SZRD1: variants seen among roughly 807,000 people sequenced by gnomAD.
The protein encoded by SZRD1 is SUZ RNA binding domain containing 1, also known as SUZ RNA-binding domain-containing.
SZRD1 carries 7 observed loss-of-function variants against 17.6 expected under a neutral mutation model. The observed-to-expected ratio is 0.40, with a 90% confidence interval of 0.23 to 0.75. The LOEUF (loss-of-function observed/expected upper bound fraction) is 0.75. Ranked by LOEUF, SZRD1 falls within the 30% of genes least tolerant of loss-of-function variation. The pLI is 0.38. For missense variants in SZRD1, 178 were observed against 201.8 expected (o/e 0.88, Z 0.71); for synonymous variants, 77 against 77.9 (o/e 0.99, Z 0.06).
chr1:16,372,805 T>A (rs1254061955), intron 1 of SZRD1, among the ~76,000 whole-genome samples: 1 of 152,196 alleles, frequency 6.6e-6, no homozygotes, highest in Non-Finnish European at 1.5e-5. Flanking sequence ...GAAGGTGTCA[T>A]TAAACATTAA....
rs186642606 is a variant in SZRD1 at position 16,391,504 on chromosome 1, C to T, written c.101+80C>T. On this transcript the variant is annotated intron_variant, in intron 2 of 3. Transcript: ENST00000401088. The surrounding 1 kb of genome is among the most constrained non-coding windows in gnomAD (Gnocchi z 4.3). ...CAGTCAGTGGTGTTCTCCAGCTGGC[C>T]ATTAGGATTAGCAGGTCCTAGCAGG... The T allele has an allele frequency of 3.2e-4, 405 of 1,260,806 alleles. 2 individuals are homozygous for T. The African/African-American group carries it at 5.4e-3, about 17-fold the overall frequency. 78.1% of individuals were successfully genotyped at this position (1,260,806 alleles called of 1,614,324 possible).
intron 1 of SZRD1, among the ~76,000 whole-genome samples, chr1:16,372,101 G>A (rs2082924025): frequency 6.6e-6 from 1 of 152,054 alleles, no homozygotes; most frequent in Admixed American, 6.6e-5. Flanking sequence ...TAGTTAGTAT[G>A]GCAAACACTT....
chr1:16,379,169 G>C (rs2083052283), intron 1 of SZRD1, among the ~76,000 whole-genome samples: 1 of 152,054 alleles, frequency 6.6e-6, no homozygotes, highest in African/African-American at 2.4e-5. Context: ...GCCCAGGCTG[G>C]AGTGCAGTGG....
chr1:16,367,479 C>T (rs1041490519), intron 1 of SZRD1, among the ~76,000 whole-genome samples, 171 bp downstream of exon 1: 1 of 150,958 alleles, frequency 6.6e-6, no homozygotes, highest in Non-Finnish European at 1.5e-5. Flanking sequence ...CTTAAAGGGG[C>T]CGCGATCCAT....
intron 1 of SZRD1, among the ~76,000 whole-genome samples, chr1:16,377,412 G>A (rs1175469917): frequency 6.6e-6 from 1 of 151,984 alleles, no homozygotes; most frequent in Non-Finnish European, 1.5e-5. Flanking sequence ...GTGAAACCCT[G>A]TCACTACTAA....
At chr1:16,367,453 A>C in intron 1 of SZRD1, 145 bp downstream of exon 1, 1 of 701,440 alleles carries the variant, frequency 1.4e-6, no homozygotes. Context: ...CCAGTTCCTG[A>C]GCGCCGTGAA....
rs2085338437 is a variant in SZRD1, at chr1:16,397,836, T to A, written c.*2696T>A. The stretch of plus-strand genomic sequence containing the variant: ...AGCCCTGCCCTGCCCAGCCATACCC[T>A]GCTCTGCCCCATCTGGGGGTGCCCT... On this transcript the variant is annotated 3_prime_UTR_variant, in exon 4 of 4. Transcript: ENST00000401088. This position sits in a 1 kb window ranked among gnomAD's most constrained non-coding sequence, Gnocchi z 5.4. 6 of 239,080 alleles carry A rather than the reference T, an allele frequency of 2.5e-5. No homozygotes were observed. Among genetic ancestry groups the A allele is most frequent in the South Asian group, 1.5e-4 (1 of 6,546 alleles). 14.8% of individuals were successfully genotyped at this position (239,080 alleles called of 1,614,324 possible).
intron 1 of SZRD1, among the ~76,000 whole-genome samples, chr1:16,375,151 C>T (rs2082978546): frequency 6.6e-6 from 1 of 152,162 alleles, no homozygotes; most frequent in Non-Finnish European, 1.5e-5. Context: ...GCTGGGATTA[C>T]AAGCGTGAGC....
chr1:16,377,807 G>T (rs2083029859), intron 1 of SZRD1, among the ~76,000 whole-genome samples: 1 of 152,176 alleles, frequency 6.6e-6, no homozygotes, highest in Non-Finnish European at 1.5e-5. Context: ...ACAGGTGGAT[G>T]TGGGAGCCGA....
chr1:16,372,722 A>G (rs866294505), intron 1 of SZRD1, among the ~76,000 whole-genome samples: 1 of 152,272 alleles, frequency 6.6e-6, no homozygotes, highest in South Asian at 2.1e-4. Context: ...ATTTATGTTT[A>G]CTTTCTACCC....
In SZRD1 at chr1:16,391,773, T is replaced by C. The variant is rs909582969; in HGVS notation, c.101+349T>C. On this transcript the variant is annotated intron_variant, in intron 2 of 3. Transcript: ENST00000401088. The surrounding 1 kb of genome is among the most constrained non-coding windows in gnomAD (Gnocchi z 4.3). ...TCCCAGATCTGGACATCAGTTTCTT[T>C]CTCTGTGGCATGAGGAGTGTGGGCA... Among the ~76,000 whole-genome samples the C allele has an allele frequency of 6.6e-6, 1 of 152,164 alleles. No individual in the cohort carries two copies. The highest frequency in any genetic ancestry group is 1.5e-5 in the Non-Finnish European group (1 of 68,032).
At chr1:16,369,228 T>A in intron 1 of SZRD1, 1 of 534,514 alleles carries the variant, frequency 1.9e-6, no homozygotes. Flanking sequence ...TGTTAGTAAC[T>A]AGGAGCAACC....
intron 1 of SZRD1, among the ~76,000 whole-genome samples, chr1:16,388,678 C>CTTTTT (rs950662267): frequency 1.8e-4 from 17 of 92,200 alleles, no homozygotes; most frequent in East Asian, 3.1e-4. Flanking sequence ...AAGAATAAGT[C>CTTTTT]TTTTTTTTTT....
At chr1:16,378,996 G>C (rs1056345136) in intron 1 of SZRD1, among the ~76,000 whole-genome samples, 1 of 152,048 alleles carries the variant, frequency 6.6e-6, no homozygotes, top group African/African-American at 2.4e-5. Flanking sequence ...CAAAGTGCTG[G>C]GGTTACAGGT....
chr1:16,380,421 G>A (rs1451651190), intron 1 of SZRD1, among the ~76,000 whole-genome samples: 1 of 151,874 alleles, frequency 6.6e-6, no homozygotes, highest in Admixed American at 6.6e-5. Flanking sequence ...TCCTGCCTCA[G>A]CCTCCCAAGC....
At chr1:16,376,064 C>A (rs2082998700) in intron 1 of SZRD1, among the ~76,000 whole-genome samples, 2 of 152,156 alleles carry the variant, frequency 1.3e-5, no homozygotes, top group Admixed American at 1.3e-4. Flanking sequence ...GCCTACAGCC[C>A]AGGGGGAGTG....
In SZRD1 at chr1:16,391,815, C is replaced by A. The variant is rs1298278035; in HGVS notation, c.101+391C>A. Among the ~76,000 whole-genome samples the A allele has an allele frequency of 2.0e-5, 3 of 151,964 alleles. No homozygotes were observed. The highest frequency in any genetic ancestry group is 4.4e-5 in the Non-Finnish European group (3 of 67,994). ...GTGTGGGCAGATGATTTCTCTGGGT[C>A]CCCAGTGACTTGGTGGTCTAGGGTA... On this transcript the variant is annotated intron_variant, in intron 2 of 3. Transcript: ENST00000401088. The surrounding 1 kb of genome is among the most constrained non-coding windows in gnomAD (Gnocchi z 4.3).
intron 1 of SZRD1, chr1:16,390,595 C>T (rs1452693718): frequency 6.6e-6 from 1 of 152,236 alleles, no homozygotes; most frequent in East Asian, 1.9e-4. Flanking sequence ...AAGCCACAAA[C>T]ATAAGGCATA....
At chr1:16,382,119 G>T (rs529002601) in intron 1 of SZRD1, among the ~76,000 whole-genome samples, 196 of 152,180 alleles carry the variant, frequency 1.3e-3, no homozygotes, top group African/African-American at 4.6e-3. Flanking sequence ...GTAGAGACCC[G>T]TAGGCCAAGA....
Sources: allele counts gnomAD v4.1 joint callset (sites outside exome capture counted in the v4.1 genomes callset), GRCh38; gene constraint gnomAD v4.1.1; non-coding constraint Gnocchi (gnomAD v3.1); transcripts MANE v1.5; gene names NCBI Gene and HGNC (gene_info 2026-07-23, HGNC 2026-07-21).